Variants in WWC1 observed in about 807,000 individuals in gnomAD.
The protein encoded by WWC1 is protein KIBRA.
Under a neutral mutation model 138.4 loss-of-function variants are expected in WWC1, and 55 were observed. That is an observed-to-expected ratio of 0.40 (90% CI 0.32 to 0.50). The LOEUF (loss-of-function observed/expected upper bound fraction) is 0.50, where lower values mean the gene tolerates loss of function less well. Among genes scored for constraint, WWC1 ranks in the 20% least tolerant of loss-of-function variants. WWC1 has a pLI of 0.72. For missense variants in WWC1, 1,226 were observed against 1,420.4 expected (o/e 0.86, Z 2.20); for synonymous variants, 524 against 564.9 (o/e 0.93, Z 1.03).
chr5:168,292,106 G>A lies in WWC1; in HGVS notation c.-47G>A, dbSNP rs763786552. The A allele has an allele frequency of 2.0e-6, 3 of 1,486,358 alleles. No individual in the cohort carries two copies. Among genetic ancestry groups the A allele is most frequent in the East Asian group, 2.8e-5 (1 of 35,930 alleles). 92.1% of individuals were successfully genotyped at this position (1,486,358 alleles called of 1,614,324 possible). A position where few individuals can be genotyped will look rare whatever the true frequency, so the allele number is the denominator to read the frequency against. ...GGCCGGCTGGAGCCGCTGAGCCCCC[G>A]CTGCGGCCGGGAGCTGCATGGGGGA... On this transcript the variant is annotated 5_prime_UTR_variant, in exon 1 of 23. Coordinates refer to ENST00000265293, the MANE Select transcript of WWC1 (RefSeq NM_015238.3). This position sits in a 1 kb window ranked among gnomAD's most constrained non-coding sequence, Gnocchi z 4.4.
In WWC1 at chr5:168,350,501, A is replaced by G. The variant is rs571144657; in HGVS notation, c.120-20923A>G. On this transcript the variant is annotated intron_variant, in intron 1 of 22. Coordinates refer to ENST00000265293, the MANE Select transcript of WWC1 (RefSeq NM_015238.3). ...TCCCCAGGTCACAGTCCAGGAGGCTATTTGGCGTGGGTCACGAGGGTGCTT... is the reference window on the plus strand; with the variant it reads ...TCCCCAGGTCACAGTCCAGGAGGCTGTTTGGCGTGGGTCACGAGGGTGCTT... Among the ~76,000 whole-genome samples the G allele has an allele frequency of 2.0e-4, 30 of 152,264 alleles. No individual in the cohort carries two copies. The South Asian group carries it at 6.0e-3, about 31-fold the overall frequency.
chr5:168,464,728 G>A lies in WWC1; in HGVS notation c.2917-1G>A. On this transcript the variant is annotated splice_acceptor_variant, in intron 20 of 22. Coordinates refer to ENST00000265293, the MANE Select transcript of WWC1 (RefSeq NM_015238.3). LOFTEE classifies it high-confidence loss of function. The stretch of plus-strand genomic sequence containing the variant: ...AAGAGAAGCCGTCCCCACCCCCACA[G>A]CCTTCCTCGGTCAAGTCGCTGCGCT... 6.2e-7 allele frequency: 1 copy of A among 1,614,172 alleles called. No individual in the cohort carries two copies. Among genetic ancestry groups the A allele is most frequent in the South Asian group, 1.1e-5 (1 of 91,084 alleles).
chr5:168,330,178 G>A (rs1379173120), intron 1 of WWC1, among the ~76,000 whole-genome samples: 1 of 152,152 alleles, frequency 6.6e-6, no homozygotes, highest in Non-Finnish European at 1.5e-5. Flanking sequence ...ATTCCTAAAA[G>A]AAATGTTCCC....
At chr5:168,323,559 TA>T (rs1482423992) in intron 1 of WWC1, among the ~76,000 whole-genome samples, 2 of 149,490 alleles carry the variant, frequency 1.3e-5, no homozygotes, top group Non-Finnish European at 3.0e-5. Context: ...TAAAATAAAA[TA>T]AAAAGTACCC....
At chr5:168,303,647 G>A (rs1474689704) in intron 1 of WWC1, among the ~76,000 whole-genome samples, 1 of 152,126 alleles carries the variant, frequency 6.6e-6, no homozygotes, top group Non-Finnish European at 1.5e-5. Flanking sequence ...GCCAATCTAA[G>A]GGGATTCCAG....
chr5:168,460,743 G>A lies in WWC1; in HGVS notation c.2916+1G>A. 2 of 1,614,128 alleles carry A rather than the reference G, an allele frequency of 1.2e-6. No homozygotes were observed. The highest frequency in any genetic ancestry group is 2.2e-5 in the South Asian group (2 of 91,082). On this transcript the variant is annotated splice_donor_variant, in intron 20 of 22. Transcript: ENST00000265293. LOFTEE classifies it high-confidence loss of function. ...GCGACGCAGCGTCCGGATGAAGCGGGTAAGAGAGTCACCTCAAAGCTATTT... is the reference window on the plus strand; with the variant it reads ...GCGACGCAGCGTCCGGATGAAGCGGATAAGAGAGTCACCTCAAAGCTATTT...
intron 1 of WWC1, among the ~76,000 whole-genome samples, chr5:168,346,476 A>C (rs1253949359): frequency 1.3e-5 from 2 of 152,150 alleles, no homozygotes; most frequent in Non-Finnish European, 2.9e-5. Flanking sequence ...CCAGTGCCCC[A>C]ACATCAGAAT....
chr5:168,344,085 A>G (rs951827388), intron 1 of WWC1, among the ~76,000 whole-genome samples: 2 of 152,212 alleles, frequency 1.3e-5, no homozygotes, highest in South Asian at 2.1e-4. Flanking sequence ...GAACATTTGG[A>G]ATGGAACTCT....
At chr5:168,398,439 G>A (rs1320475996) in intron 4 of WWC1, among the ~76,000 whole-genome samples, 1 of 152,146 alleles carries the variant, frequency 6.6e-6, no homozygotes, top group Non-Finnish European at 1.5e-5. Context: ...GAGGCTTAGG[G>A]GAGCTAAGAA....
intron 1 of WWC1, among the ~76,000 whole-genome samples, chr5:168,353,174 G>A (rs1775122969): frequency 6.6e-6 from 1 of 151,876 alleles, no homozygotes; most frequent in South Asian, 2.1e-4. Flanking sequence ...GTCCTTCCAG[G>A]GGGCCTGGGA....
rs1343166049 is a variant in WWC1 at position 168,291,745 on chromosome 5, G to C, written c.-408G>C. Reference sequence around the variant, plus strand: ...TCAGAGCGGTGGAGCGGAGAGGAGGGACGGCACCCGGCTGCAGGGAGGAGG... The same window carrying C: ...TCAGAGCGGTGGAGCGGAGAGGAGGCACGGCACCCGGCTGCAGGGAGGAGG... On this transcript the variant is annotated 5_prime_UTR_variant, in exon 1 of 23. Coordinates refer to ENST00000265293, the MANE Select transcript of WWC1 (RefSeq NM_015238.3). 1 of 153,188 alleles carries C rather than the reference G, an allele frequency of 6.5e-6. No individual in the cohort carries two copies. Among genetic ancestry groups the C allele is most frequent in the Non-Finnish European group, 1.5e-5 (1 of 68,344 alleles). The allele number at this position is 153,188 out of a possible 1,614,324, so 9.5% of individuals were successfully genotyped here.
chr5:168,344,642 G>C (rs915457284), intron 1 of WWC1, among the ~76,000 whole-genome samples: 4 of 152,198 alleles, frequency 2.6e-5, no homozygotes, highest in Non-Finnish European at 5.9e-5. Context: ...GAAACTCTGA[G>C]CATCTCTGAA....
chr5:168,431,214 G>A, intron 14 of WWC1, 38 bp from the exon 15 acceptor site: 4 of 1,572,364 alleles, frequency 2.5e-6, no homozygotes, highest in Non-Finnish European at 3.5e-6. Context: ...CCAGACATGG[G>A]CTGACCCAAG....
intron 1 of WWC1, among the ~76,000 whole-genome samples, chr5:168,328,942 G>A (rs778832609): frequency 3.9e-5 from 6 of 152,138 alleles, no homozygotes; most frequent in Non-Finnish European, 7.3e-5. Flanking sequence ...AGCACAGCTG[G>A]CATCCACCTG....
chr5:168,325,882 T>C (rs990553098), intron 1 of WWC1, among the ~76,000 whole-genome samples: 1 of 152,196 alleles, frequency 6.6e-6, no homozygotes. Flanking sequence ...AGATACCTCA[T>C]ATAAATGAAA....
At chr5:168,413,124 T>A in intron 8 of WWC1, among the ~76,000 whole-genome samples, 1 of 151,994 alleles carries the variant, frequency 6.6e-6, no homozygotes, top group Non-Finnish European at 1.5e-5. Flanking sequence ...GAACTGGGAG[T>A]CCAGAGGCCT....
intron 5 of WWC1, among the ~76,000 whole-genome samples, chr5:168,399,893 C>T (rs557164025): frequency 2.6e-5 from 4 of 152,284 alleles, no homozygotes; most frequent in South Asian, 2.1e-4. Flanking sequence ...TCTGTGCACA[C>T]GCCTCATCTC....
intron 1 of WWC1, among the ~76,000 whole-genome samples, chr5:168,293,211 C>T (rs372372882): frequency 2.2e-4 from 33 of 152,334 alleles, no homozygotes; most frequent in Middle Eastern, 6.8e-3. Flanking sequence ...CACACACACA[C>T]ATACATTCAC....
At position 168,441,800 on chromosome 5, in the gene WWC1, G is replaced by A. The variant is rs530716211; in HGVS notation, c.2399G>A (p.Gly800Glu). ...KKQSRELKPVGVMAPASGPAS... is the reference protein window; with the variant it reads ...KKQSRELKPVEVMAPASGPAS... ...CAGAGCAGGGAGCTCAAGCCAGTGG[G>A]AGTCATGGCCCCTGCCTCAGGGCCT... The change falls in exon 16 of 23, where the codon GGA becomes GAA. Residue 800 changes from glycine (G) to glutamate (E), a missense_variant. Gly to Glu is a moderately conservative substitution (Grantham distance 98, BLOSUM62 -2). This residue lies in a region of WWC1 where 1,016 missense variants were observed against 1,153.9 expected (regional missense o/e 0.88). Coordinates refer to ENST00000265293, the MANE Select transcript of WWC1 (RefSeq NM_015238.3). 5.3e-5 allele frequency: 86 copies of A among 1,614,156 alleles called. 2 individuals carry two copies. In the South Asian group the frequency reaches 9.1e-4, roughly 17 times the overall value.
Sources: gnomAD v4.1 joint callset for allele counts (sites outside exome capture counted in the v4.1 genomes callset) on GRCh38, gnomAD v4.1.1 for gene constraint, gnomAD v4.1.1 regional missense constraint, Gnocchi (gnomAD v3.1) non-coding constraint, MANE v1.5 for transcripts, NCBI Gene and HGNC (gene_info 2026-07-23, HGNC 2026-07-21) for gene names.